FCHSD2: variants seen among roughly 807,000 people sequenced by gnomAD.
FCHSD2 encodes the protein FCH and double SH3 domains 2.
FCHSD2 carries 38 observed loss-of-function variants against 108.1 expected under a neutral mutation model. The observed-to-expected ratio is 0.35, with a 90% CI of 0.27 to 0.46. The LOEUF is 0.46. FCHSD2 is among the 20% of genes least tolerant of loss of function. FCHSD2 has a pLI of 1.00. For synonymous variants in FCHSD2, 279 were observed against 314.7 expected, an observed-to-expected ratio of 0.89 and a Z score of 1.20; for missense variants, 751 against 897.8, an observed-to-expected ratio of 0.84 and a Z score of 2.09.
At chr11:72,882,993 T>A (rs1855120532) in intron 12 of FCHSD2, among the ~76,000 whole-genome samples, 2 of 152,156 alleles carry the variant, frequency 1.3e-5, no homozygotes, top group African/African-American at 4.8e-5. Flanking sequence ...CTGAATAAAA[T>A]TGAAAATATT....
chr11:72,995,940 T>C (rs865994020), intron 5 of FCHSD2, among the ~76,000 whole-genome samples: 65 of 152,038 alleles, frequency 4.3e-4, no homozygotes, highest in African/African-American at 1.4e-3. Flanking sequence ...AAGGGTAATG[T>C]CCAAACCCAG....
intron 3 of FCHSD2, among the ~76,000 whole-genome samples, chr11:73,031,043 A>C (rs1858348287): frequency 6.6e-6 from 1 of 152,148 alleles, no homozygotes; most frequent in East Asian, 1.9e-4. Flanking sequence ...AAAAAGGGAG[A>C]TCCTGCTATT....
intron 2 of FCHSD2, among the ~76,000 whole-genome samples, chr11:73,102,691 C>A (rs1168743446): frequency 6.6e-6 from 1 of 152,158 alleles, no homozygotes; most frequent in Non-Finnish European, 1.5e-5. Context: ...GTGAGTTCAG[C>A]CCCCTTCTCT....
At position 73,015,123 on chromosome 11, in the gene FCHSD2, C is replaced by T. The variant is rs550677449; in HGVS notation, c.242+686G>A. Among the ~76,000 whole-genome samples the T allele has an allele frequency of 4.6e-5, 7 of 152,254 alleles. No homozygotes were observed. The South Asian group carries it at 8.3e-4, about 18-fold the overall frequency. On this transcript the variant is annotated intron_variant, in intron 4 of 19. Transcript: ENST00000409418. ...CCTCCCCAAGTGCTGGGATTACAGG[C>T]GTAAGCCACTGCCCCTGGCCAAAAG...
chr11:72,928,475 G>A (rs2135321509), intron 8 of FCHSD2, among the ~76,000 whole-genome samples: 1 of 152,210 alleles, frequency 6.6e-6, no homozygotes, highest in Non-Finnish European at 1.5e-5. Context: ...TCTTGGCCTA[G>A]AATGTCCTTC....
intron 13 of FCHSD2, among the ~76,000 whole-genome samples, chr11:72,866,872 G>A (rs1854738600): frequency 6.6e-6 from 1 of 152,176 alleles, no homozygotes; most frequent in Admixed American, 6.5e-5. Context: ...AGCATTTAAA[G>A]AGGCACTATG....
intron 4 of FCHSD2, among the ~76,000 whole-genome samples, chr11:73,007,165 C>T (rs1857758585): frequency 6.6e-6 from 1 of 152,108 alleles, no homozygotes; most frequent in Non-Finnish European, 1.5e-5. Flanking sequence ...ACTATTCTAA[C>T]TGAAAAATAC....
intron 4 of FCHSD2, among the ~76,000 whole-genome samples, chr11:73,014,913 G>T (rs536570292): frequency 1.3e-5 from 2 of 151,684 alleles, no homozygotes; most frequent in Non-Finnish European, 2.9e-5. Flanking sequence ...ACATGATTTC[G>T]GCTCAATGCA....
intron 13 of FCHSD2, among the ~76,000 whole-genome samples, chr11:72,856,471 T>C (rs551196476): frequency 6.6e-6 from 1 of 152,326 alleles, no homozygotes; most frequent in African/African-American, 2.4e-5. Context: ...TGTCCTTCTG[T>C]ATCCCATAAA....
chr11:72,993,897 TA>T (rs1174048264), intron 5 of FCHSD2, among the ~76,000 whole-genome samples: 1 of 152,132 alleles, frequency 6.6e-6, no homozygotes, highest in Non-Finnish European at 1.5e-5. Flanking sequence ...CCCTAAAACT[TA>T]AAGTATAATA....
chr11:72,938,795 A>T (rs1392494153), intron 8 of FCHSD2, among the ~76,000 whole-genome samples: 1 of 152,228 alleles, frequency 6.6e-6, no homozygotes, highest in African/African-American at 2.4e-5. Context: ...ACTATTGAAA[A>T]AAATCTTATC....
intron 1 of FCHSD2, among the ~76,000 whole-genome samples, chr11:73,140,832 C>T (rs764326943): frequency 3.4e-4 from 51 of 152,184 alleles, no homozygotes; most frequent in Non-Finnish European, 5.6e-4. Flanking sequence ...CAGGCCGGGG[C>T]CCCAGGGTTC....
chr11:72,999,611 C>T (rs1857585517), intron 5 of FCHSD2, among the ~76,000 whole-genome samples: 1 of 152,154 alleles, frequency 6.6e-6, no homozygotes, highest in South Asian at 2.1e-4. Flanking sequence ...TGAGCCACCA[C>T]ACCCGGCCTT....
intron 3 of FCHSD2, among the ~76,000 whole-genome samples, chr11:73,080,295 T>TTAAAAA (rs1565400571): frequency 2.7e-5 from 2 of 75,054 alleles, no homozygotes; most frequent in African/African-American, 1.2e-4. Flanking sequence ...AGACCCTGTC[T>TTAAAAA]CAAAAAAAAA....
intron 3 of FCHSD2, among the ~76,000 whole-genome samples, chr11:73,078,955 G>C (rs1019564290): frequency 6.6e-6 from 1 of 152,082 alleles, no homozygotes; most frequent in Non-Finnish European, 1.5e-5. Flanking sequence ...CTGATCTAAA[G>C]TGATCAATAT....
chr11:73,024,266 T>C (rs999613290), intron 3 of FCHSD2, among the ~76,000 whole-genome samples: 1 of 152,096 alleles, frequency 6.6e-6, no homozygotes, highest in African/African-American at 2.4e-5. Context: ...TAAATGGGTA[T>C]GGGGAATGAA....
At chr11:73,037,868 G>T (rs1056154132) in intron 3 of FCHSD2, among the ~76,000 whole-genome samples, 1 of 152,140 alleles carries the variant, frequency 6.6e-6, no homozygotes, top group African/African-American at 2.4e-5. Context: ...AAAAGAAGAA[G>T]GCAGTTCTCT....
chr11:72,856,958 A>C lies in FCHSD2; in HGVS notation c.1309-7069T>G, dbSNP rs187625691. On this transcript the variant is annotated intron_variant, in intron 13 of 19. Coordinates refer to ENST00000409418, the MANE Select transcript of FCHSD2 (RefSeq NM_014824.3). ...AGTGGGTATTACAAAAATCAAAACA[A>C]AACACAACACCCATACATTTATAAA... 1.7e-3 allele frequency among the ~76,000 whole-genome samples: 252 copies of C among 152,356 alleles called. 2 individuals carry two copies. The highest frequency in any genetic ancestry group is 2.9e-3 in the Non-Finnish European group (197 of 68,038).
chr11:72,981,087 TAGG>T (rs1857207257), intron 8 of FCHSD2, among the ~76,000 whole-genome samples: 1 of 152,200 alleles, frequency 6.6e-6, no homozygotes, highest in Admixed American at 6.5e-5. Flanking sequence ...GCATGATTGA[TAGG>T]AGTTTTCCTG....
Sources: allele counts gnomAD v4.1 joint callset (sites outside exome capture counted in the v4.1 genomes callset), GRCh38; gene constraint gnomAD v4.1.1; transcripts MANE v1.5; gene names NCBI Gene and HGNC (gene_info 2026-07-23, HGNC 2026-07-21).